PCDH15: variants seen among roughly 807,000 people sequenced by gnomAD.
The protein encoded by PCDH15 is protocadherin-15.
A neutral mutation model predicts 178.5 loss-of-function variants in PCDH15; 129 were observed. That is an observed-to-expected ratio of 0.72 (90% CI 0.63 to 0.84). The LOEUF is 0.84. PCDH15 is among the 40% of genes least tolerant of loss of function. PCDH15 has a pLI of 0.00. For synonymous variants in PCDH15, 800 were observed against 732.0 expected (o/e 1.09, Z -1.50); for missense variants, 2,230 against 2,099.9 (o/e 1.06, Z -1.21).
At chr10:54,684,155 C>A (rs117661657) in intron 1 of PCDH15, among the ~76,000 whole-genome samples, 2 of 151,774 alleles carry the variant, frequency 1.3e-5, no homozygotes, top group Non-Finnish European at 2.9e-5. Flanking sequence ...AAAAATTGTC[C>A]TTCAGATATA....
chr10:54,815,758 G>A (rs1458410804), intron 3 of PCDH15, among the ~76,000 whole-genome samples: 3 of 152,000 alleles, frequency 2.0e-5, no homozygotes, highest in African/African-American at 7.2e-5. Context: ...TATAGATTGA[G>A]GTCTGCAGCT....
intron 2 of PCDH15, among the ~76,000 whole-genome samples, chr10:54,901,328 A>C (rs1246148080): frequency 1.3e-5 from 2 of 152,316 alleles, no homozygotes; most frequent in East Asian, 3.9e-4. Flanking sequence ...TAGTGCATTA[A>C]GGTTACAGTT....
rs73256014 is a variant in PCDH15, at chr10:54,841,267, C to T, written c.-29+56183G>A. Among the ~76,000 whole-genome samples, 718 of 151,796 alleles carry T rather than the reference C, an allele frequency of 4.7e-3. 1 individual carries two copies. Among genetic ancestry groups the T allele is most frequent in the African/African-American group, 0.016 (683 of 41,502 alleles). Reference sequence around the variant, plus strand: ...CTAAAAATCAACAAAAGGAGGAAAACTGGAAAATTCGCAAACGTGGGAATT... The same window carrying T: ...CTAAAAATCAACAAAAGGAGGAAAATTGGAAAATTCGCAAACGTGGGAATT... On this transcript the variant is annotated intron_variant, in intron 3 of 5. Coordinates refer to the PCDH15 transcript ENST00000458638.
At position 55,420,471 on chromosome 10, in the gene PCDH15, C is replaced by T. The variant is rs552117123; in HGVS notation, c.-156+207154G>A. On this transcript the variant is annotated intron_variant, in intron 2 of 5. Coordinates refer to the PCDH15 transcript ENST00000613346. ...TCAGTAGGTATTGCATTTTTTTTCCCTTCATCTTCAGAGTAGTACCTGACA... is the reference window on the plus strand; with the variant it reads ...TCAGTAGGTATTGCATTTTTTTTCCTTTCATCTTCAGAGTAGTACCTGACA... Among the ~76,000 whole-genome samples, 298 of 150,982 alleles carry T rather than the reference C, an allele frequency of 2.0e-3. 1 individual carries two copies. Among genetic ancestry groups the T allele is most frequent in the Non-Finnish European group, 3.1e-3 (208 of 67,540 alleles).
chr10:53,813,116 C>T (rs1022040253), intron 35 of PCDH15, among the ~76,000 whole-genome samples: 2 of 150,626 alleles, frequency 1.3e-5, no homozygotes, highest in African/African-American at 4.8e-5. Flanking sequence ...ACACTAGGAT[C>T]ATATTTTTAC....
intron 2 of PCDH15, among the ~76,000 whole-genome samples, chr10:55,562,067 T>A (rs535758901): frequency 1.3e-5 from 2 of 152,096 alleles, no homozygotes; most frequent in Non-Finnish European, 2.9e-5. Context: ...TCTGTCATAT[T>A]TTCAATTCTC....
At chr10:54,926,412 T>G (rs1298524803) in intron 2 of PCDH15, among the ~76,000 whole-genome samples, 2 of 151,936 alleles carry the variant, frequency 1.3e-5, no homozygotes, top group Non-Finnish European at 2.9e-5. Context: ...GAAGTTTTTT[T>G]GTTGTTGTTG....
intron 1 of PCDH15, among the ~76,000 whole-genome samples, chr10:55,293,673 A>C (rs1389739677): frequency 1.3e-5 from 2 of 152,226 alleles, no homozygotes; most frequent in Non-Finnish European, 2.9e-5. Flanking sequence ...AAATGCTGCC[A>C]GCCTCTTTGC....
At chr10:54,450,286 C>G (rs2076395891) in intron 3 of PCDH15, among the ~76,000 whole-genome samples, 2 of 151,124 alleles carry the variant, frequency 1.3e-5, no homozygotes, top group African/African-American at 4.9e-5. Flanking sequence ...AAAATATTTT[C>G]TTGGCTTCCT....
At chr10:55,479,514 C>T (rs1044666224) in intron 2 of PCDH15, among the ~76,000 whole-genome samples, 1 of 151,440 alleles carries the variant, frequency 6.6e-6, no homozygotes, top group Non-Finnish European at 1.5e-5. Flanking sequence ...AGGAACATAT[C>T]TCAGCACAAT....
At chr10:55,100,418 T>A (rs140976135) in intron 2 of PCDH15, among the ~76,000 whole-genome samples, 1 of 152,288 alleles carries the variant, frequency 6.6e-6, no homozygotes, top group Non-Finnish European at 1.5e-5. Context: ...CCACAGTGTC[T>A]TCTCTGCTGT....
intron 10 of PCDH15, among the ~76,000 whole-genome samples, chr10:54,196,095 T>C (rs963114774): frequency 1.3e-5 from 2 of 152,206 alleles, no homozygotes; most frequent in African/African-American, 4.8e-5. Context: ...GTTTTAAAAC[T>C]CAGTGTATAT....
chr10:54,584,316 T>G (rs1039149177), intron 2 of PCDH15, among the ~76,000 whole-genome samples: 4 of 152,112 alleles, frequency 2.6e-5, no homozygotes, highest in Non-Finnish European at 4.4e-5. Context: ...ATCACTTGGA[T>G]GCAGGGTTTT....
chr10:55,044,117 A>C (rs1840938828), intron 2 of PCDH15, among the ~76,000 whole-genome samples: 1 of 152,130 alleles, frequency 6.6e-6, no homozygotes, highest in Admixed American at 6.6e-5. Flanking sequence ...ATATGAAAGG[A>C]CATTTTTGAT....
rs1186240206 is a variant in PCDH15, at chr10:54,198,495, C to CTTTTTTTTTTTTTTTTTTTTTT, written c.1099-2628_1099-2607dup. ...CATCTTTCTTTAATATCTAATTATT[C>CTTTTTTTTTTTTTTTTTTTTTT]TTTTTTTTTTTTTTTTTTTTTTTTG... is the stretch of plus-strand genomic sequence containing the variant. On this transcript the variant is annotated intron_variant, in intron 10 of 37. Transcript: ENST00000644397. 1.3e-4 allele frequency among the ~76,000 whole-genome samples: 4 copies of CTTTTTTTTTTTTTTTTTTTTTT among 31,172 alleles called. 2 individuals carry two copies. The highest frequency in any genetic ancestry group is 2.6e-3 in the East Asian group (2 of 784). 20.5% of individuals were successfully genotyped at this position (31,172 alleles called of 152,430 possible).
intron 2 of PCDH15, among the ~76,000 whole-genome samples, chr10:55,444,506 G>A (rs1839271369): frequency 6.6e-6 from 1 of 151,962 alleles, no homozygotes; most frequent in Non-Finnish European, 1.5e-5. Flanking sequence ...TTCCTGATAT[G>A]ATACAAATAT....
At chr10:54,966,817 C>T (rs911915223) in intron 2 of PCDH15, among the ~76,000 whole-genome samples, 9 of 152,046 alleles carry the variant, frequency 5.9e-5, no homozygotes, top group African/African-American at 2.2e-4. Context: ...TTCCCAGCCA[C>T]GTGGAACTGT....
At chr10:54,808,244 TTCTG>T (rs1316632274) in intron 3 of PCDH15, among the ~76,000 whole-genome samples, 1 of 152,230 alleles carries the variant, frequency 6.6e-6, no homozygotes, top group East Asian at 1.9e-4. Context: ...AAATAATTTA[TTCTG>T]TCTGTCATTC....
In PCDH15 at chr10:54,049,339, T is replaced by C. The variant is rs571165209; in HGVS notation, c.2220+17418A>G. 2.0e-5 allele frequency among the ~76,000 whole-genome samples: 3 copies of C among 152,284 alleles called. No homozygotes were observed. The South Asian group carries it at 6.2e-4, about 32-fold the overall frequency. On this transcript the variant is annotated intron_variant, in intron 18 of 37. Coordinates refer to ENST00000644397, the MANE Select transcript of PCDH15 (RefSeq NM_001384140.1). ...GGAGAGATATTTTGACTTCTTCTGT[T>C]CCTACTTGGATGTCTTTTATTTCTT...
Sources: allele counts gnomAD v4.1 joint callset (sites outside exome capture counted in the v4.1 genomes callset), GRCh38; gene constraint gnomAD v4.1.1; transcripts MANE v1.5; gene names NCBI Gene and HGNC (gene_info 2026-07-23, HGNC 2026-07-21).